PLCL2: variants seen among roughly 807,000 people sequenced by gnomAD.
The protein encoded by PLCL2 is phospholipase C like 2.
In PLCL2, 4 loss-of-function variants were observed where a neutral mutation model predicts 79.6. The ratio of observed to expected loss-of-function variants is 0.05; its 90% confidence interval spans 0.02 to 0.11. The LOEUF is 0.11. Among genes scored for constraint, PLCL2 ranks in the 10% least tolerant of loss-of-function variants. The pLI is 1.00. For missense variants in PLCL2, 895 were observed against 1,291.0 expected (o/e 0.69, Z 4.70); for synonymous variants, 484 against 457.7 (o/e 1.06, Z -0.73).
chr3:16,896,927 TA>T (rs1328020378), intron 1 of PLCL2, among the ~76,000 whole-genome samples: 1 of 152,216 alleles, frequency 6.6e-6, no homozygotes, highest in African/African-American at 2.4e-5. Context: ...GGGGGTTTCC[TA>T]AAGTGCCCTG....
chr3:17,067,660 C>A (rs936616450), intron 4 of PLCL2, among the ~76,000 whole-genome samples: 1 of 152,200 alleles, frequency 6.6e-6, no homozygotes, highest in Non-Finnish European at 1.5e-5. Context: ...AGCTTCCCAT[C>A]TCTGAAGCTT....
At position 16,979,689 on chromosome 3, in the gene PLCL2, G is replaced by T. The variant is rs538877611; in HGVS notation, c.328-29985G>T. On this transcript the variant is annotated intron_variant, in intron 1 of 5. Transcript: ENST00000615277. Reference sequence around the variant, plus strand: ...CGATCAACAGGATCCCAAGGCAGAAGAATTTTTCTTAGTACAGAACAAAAT... The same window carrying T: ...CGATCAACAGGATCCCAAGGCAGAATAATTTTTCTTAGTACAGAACAAAAT... Among the ~76,000 whole-genome samples the T allele has an allele frequency of 4.9e-3, 714 of 145,628 alleles. 7 individuals carry two copies. The highest frequency in any genetic ancestry group is 0.011 in the South Asian group (48 of 4,350).
chr3:17,025,374 A>G (rs2064505405), intron 3 of PLCL2, among the ~76,000 whole-genome samples: 1 of 152,154 alleles, frequency 6.6e-6, no homozygotes, highest in African/African-American at 2.4e-5. Context: ...TGAGTTGGGA[A>G]GACTGAAGTT....
chr3:17,073,620 A>G (rs1287256314), intron 5 of PLCL2, among the ~76,000 whole-genome samples: 2 of 152,222 alleles, frequency 1.3e-5, no homozygotes, highest in South Asian at 2.1e-4. Flanking sequence ...TTTTACCCAC[A>G]GTAGAACTTC....
At chr3:17,014,559 T>C (rs185226667) in intron 2 of PLCL2, 149 bp from the exon 3 acceptor site, 443 of 670,158 alleles carry the variant, frequency 6.6e-4, no homozygotes, top group Non-Finnish European at 9.7e-4. Context: ...TTTCCCAGGA[T>C]AAAACAATCA....
At chr3:17,055,085 A>G (rs2064879473) in intron 4 of PLCL2, among the ~76,000 whole-genome samples, 1 of 152,188 alleles carries the variant, frequency 6.6e-6, no homozygotes, top group South Asian at 2.1e-4. Context: ...TAAACAAGTC[A>G]TCCCATACAA....
intron 1 of PLCL2, among the ~76,000 whole-genome samples, chr3:16,961,647 T>A (rs2063755329): frequency 6.6e-6 from 1 of 152,110 alleles, no homozygotes; most frequent in South Asian, 2.1e-4. Context: ...AGGAATAACA[T>A]TTCCAACCAG....
At chr3:17,072,102 C>T (rs1364730123) in intron 5 of PLCL2, among the ~76,000 whole-genome samples, 3 of 152,104 alleles carry the variant, frequency 2.0e-5, no homozygotes, top group African/African-American at 7.2e-5. Flanking sequence ...GCTGGGATTA[C>T]AGGTGTGAGC....
chr3:17,037,293 C>T (rs2064668263), intron 3 of PLCL2, among the ~76,000 whole-genome samples: 1 of 152,116 alleles, frequency 6.6e-6, no homozygotes. Context: ...TCATGGATCT[C>T]CAAGGTGGTC....
chr3:17,082,561 C>A (rs1461549580), intron 5 of PLCL2, among the ~76,000 whole-genome samples: 1 of 152,188 alleles, frequency 6.6e-6, no homozygotes, highest in Non-Finnish European at 1.5e-5. Context: ...GATTTATTGC[C>A]TTTGGGAGTC....
intron 1 of PLCL2, among the ~76,000 whole-genome samples, chr3:16,897,780 C>G (rs1454356104): frequency 6.6e-6 from 1 of 152,192 alleles, no homozygotes; most frequent in Non-Finnish European, 1.5e-5. Context: ...GCATTTTCCT[C>G]TTGCCATGCT....
At chr3:16,947,356 G>C (rs914860157) in intron 1 of PLCL2, among the ~76,000 whole-genome samples, 1 of 152,150 alleles carries the variant, frequency 6.6e-6, no homozygotes, top group African/African-American at 2.4e-5. Flanking sequence ...TTGTGAGATT[G>C]GACAACAGGA....
chr3:17,010,589 T>A lies in PLCL2; in HGVS notation c.1243T>A (p.Tyr415Asn). 1 of 1,614,172 alleles carries A rather than the reference T, an allele frequency of 6.2e-7. No individual in the cohort carries two copies. Among genetic ancestry groups the A allele is most frequent in the Non-Finnish European group, 8.5e-7 (1 of 1,180,010 alleles). ...TAATTACCTTATGTCACCTGACTGT[T>A]ATATATTCGATCCAGAACATAAGAA... ...FTNYLMSPDC[Y>N]IFDPEHKKVC... The change falls in exon 2 of 6, where the codon TAT becomes AAT. Residue 415 changes from tyrosine (Y) to asparagine (N), a missense_variant. Coordinates refer to ENST00000615277, the MANE Select transcript of PLCL2 (RefSeq NM_001144382.2). The surrounding 1 kb of genome is among the most constrained non-coding windows in gnomAD (Gnocchi z 5.8).
chr3:17,025,323 T>G (rs576483113), intron 3 of PLCL2, among the ~76,000 whole-genome samples: 1 of 152,298 alleles, frequency 6.6e-6, no homozygotes, highest in African/African-American at 2.4e-5. Context: ...GTATATACTT[T>G]TTTATGGAGA....
intron 5 of PLCL2, among the ~76,000 whole-genome samples, chr3:17,070,264 A>G (rs1008129154): frequency 1.6e-4 from 24 of 152,202 alleles, no homozygotes; most frequent in Non-Finnish European, 2.1e-4. Context: ...GGCACATTAA[A>G]GTTTGAGAAG....
At chr3:16,994,333 T>C (rs2124997956) in intron 1 of PLCL2, among the ~76,000 whole-genome samples, 1 of 152,226 alleles carries the variant, frequency 6.6e-6, no homozygotes, top group South Asian at 2.1e-4. Context: ...GATATTGACG[T>C]TTTTATTGAT....
intron 1 of PLCL2, among the ~76,000 whole-genome samples, chr3:16,919,488 T>C (rs897858997): frequency 6.6e-6 from 1 of 152,194 alleles, no homozygotes; most frequent in African/African-American, 2.4e-5. Context: ...GTTGATTTTA[T>C]GTATTGTTCT....
intron 5 of PLCL2, among the ~76,000 whole-genome samples, chr3:17,078,264 T>C (rs2065127215): frequency 6.6e-6 from 1 of 152,212 alleles, no homozygotes; most frequent in African/African-American, 2.4e-5. Flanking sequence ...AACTAGTGGC[T>C]TGAAACAATG....
chr3:17,003,500 TG>T (rs1197412564), intron 1 of PLCL2, among the ~76,000 whole-genome samples: 1 of 152,294 alleles, frequency 6.6e-6, no homozygotes, highest in East Asian at 1.9e-4. Flanking sequence ...TCTCTTCCCA[TG>T]TTCTTGTCCC....
Sources: gnomAD v4.1 joint callset for allele counts (sites outside exome capture counted in the v4.1 genomes callset) on GRCh38, gnomAD v4.1.1 for gene constraint, Gnocchi (gnomAD v3.1) non-coding constraint, MANE v1.5 for transcripts, NCBI Gene and HGNC (gene_info 2026-07-23, HGNC 2026-07-21) for gene names.